Variants in NRP2 observed in about 807,000 individuals in gnomAD.
The protein encoded by NRP2 is neuropilin-2.
Under a neutral mutation model 110.4 loss-of-function variants are expected in NRP2, and 52 were observed. The ratio of observed to expected loss-of-function variants is 0.47; its 90% CI spans 0.38 to 0.59. The LOEUF is 0.59. Ranked by LOEUF, NRP2 falls within the 20% of genes least tolerant of loss-of-function variation. NRP2 has a pLI of 0.00. For synonymous variants in NRP2, 508 were observed against 468.9 expected, an observed-to-expected ratio of 1.08 and a Z score of -1.08; for missense variants, 1,049 against 1,203.0, an observed-to-expected ratio of 0.87 and a Z score of 1.89.
intron 2 of NRP2, among the ~76,000 whole-genome samples, chr2:205,713,712 A>G (rs1470953181): frequency 6.6e-6 from 1 of 152,236 alleles, no homozygotes; most frequent in Non-Finnish European, 1.5e-5. Context: ...GCAGGAGAGT[A>G]TTCCATTTTA....
intron 12 of NRP2, among the ~76,000 whole-genome samples, chr2:205,754,780 A>C (rs967557624): frequency 1.4e-5 from 2 of 146,094 alleles, no homozygotes; most frequent in African/African-American, 5.1e-5. Context: ...TGTGTGCATG[A>C]GTGTGTTTGT....
At chr2:205,714,909 C>G (rs976819454) in intron 2 of NRP2, among the ~76,000 whole-genome samples, 1 of 152,202 alleles carries the variant, frequency 6.6e-6, no homozygotes, top group Admixed American at 6.5e-5. Flanking sequence ...TTCCGGCAGC[C>G]GGCAACCCCA....
intron 1 of NRP2, among the ~76,000 whole-genome samples, 192 bp downstream of exon 1, chr2:205,683,555 AGTGTGTGTGT>A (rs60199072): frequency 4.4e-4 from 66 of 149,918 alleles, no homozygotes; most frequent in African/African-American, 9.3e-4. Flanking sequence ...TCCTGCTAGG[AGTGTGTGTGT>A]GTGTGTGTGT....
intron 3 of NRP2, among the ~76,000 whole-genome samples, chr2:205,716,920 T>C (rs911396215): frequency 6.6e-6 from 1 of 152,156 alleles, no homozygotes; most frequent in African/African-American, 2.4e-5. Context: ...ATTGAACCCC[T>C]ACTCTCTAAA....
At chr2:205,697,311 T>C (rs997264698) in intron 1 of NRP2, among the ~76,000 whole-genome samples, 1 of 57,084 alleles carries the variant, frequency 1.8e-5, no homozygotes, top group Admixed American at 2.2e-4. Context: ...AATACTTTCA[T>C]CTGTGTGTGT....
intron 15 of NRP2, chr2:205,768,370 ATGT>A (rs2057962500): frequency 6.6e-6 from 1 of 152,182 alleles, no homozygotes; most frequent in Non-Finnish European, 1.5e-5. Context: ...AAAGCTGTGG[ATGT>A]TGTTTCGCCT....
chr2:205,725,194 A>C lies in NRP2; in HGVS notation c.821-719A>C, dbSNP rs1442732887. On this transcript the variant is annotated intron_variant, in intron 5 of 16. Transcript: ENST00000357785. This position sits in a 1 kb window ranked among gnomAD's most constrained non-coding sequence, Gnocchi z 4.1. ...ACCAGGTCCCGTGAATGGTCAGTGC[A>C]GTCACAGAGTAAAGAATAGGTTGAT... Among the ~76,000 whole-genome samples the C allele has an allele frequency of 1.3e-5, 2 of 152,240 alleles. No homozygotes were observed. Among genetic ancestry groups the C allele is most frequent in the East Asian group, 3.8e-4 (2 of 5,202 alleles).
chr2:205,726,819 A>C (rs1209505879), intron 6 of NRP2, among the ~76,000 whole-genome samples: 2 of 152,160 alleles, frequency 1.3e-5, no homozygotes, highest in Non-Finnish European at 2.9e-5. Context: ...CCTAGCTCTG[A>C]GGCGACACAG....
At chr2:205,700,010 G>A (rs2056518750) in intron 2 of NRP2, among the ~76,000 whole-genome samples, 1 of 139,820 alleles carries the variant, frequency 7.2e-6, no homozygotes. Flanking sequence ...TTTGTATTTA[G>A]AAAGACTCAT....
intron 1 of NRP2, among the ~76,000 whole-genome samples, chr2:205,694,513 A>T (rs915790410): frequency 1.3e-5 from 2 of 152,200 alleles, no homozygotes; most frequent in Admixed American, 1.3e-4. Context: ...TTGCAGAATG[A>T]AGTCTTTTGT....
chr2:205,780,524 T>A (rs2058162182), intron 15 of NRP2, among the ~76,000 whole-genome samples: 1 of 152,136 alleles, frequency 6.6e-6, no homozygotes, highest in African/African-American at 2.4e-5. Context: ...CTCCCAGCAG[T>A]TCATGGTTTC....
chr2:205,688,302 G>C (rs2056222871), intron 1 of NRP2, among the ~76,000 whole-genome samples: 2 of 152,214 alleles, frequency 1.3e-5, no homozygotes, highest in African/African-American at 4.8e-5. Flanking sequence ...TTGAGTGGCA[G>C]ATAAGTATAT....
At chr2:205,705,182 A>AG (rs1453596588) in intron 2 of NRP2, among the ~76,000 whole-genome samples, 743 of 33,246 alleles carry the variant, frequency 0.022, 2 homozygotes, top group South Asian at 0.07. Flanking sequence ...AAATAATTCC[A>AG]GAAAAAAAAA....
At chr2:205,728,850 G>A (rs926341949) in intron 7 of NRP2, among the ~76,000 whole-genome samples, 2 of 152,362 alleles carry the variant, frequency 1.3e-5, no homozygotes. Context: ...CACAGGGCAC[G>A]ATGCCCCCTG....
At chr2:205,776,594 C>CT in intron 15 of NRP2, 1 of 1,599,070 alleles carries the variant, frequency 6.3e-7, no homozygotes, top group Non-Finnish European at 8.5e-7. Flanking sequence ...CGATTTTGCA[C>CT]TTTTTTCTCC....
intron 12 of NRP2, among the ~76,000 whole-genome samples, chr2:205,760,145 G>A (rs2057797602): frequency 1.3e-5 from 2 of 152,292 alleles, no homozygotes; most frequent in South Asian, 4.1e-4. Context: ...ATCAGGGGAG[G>A]CAGGTAAAGC....
chr2:205,723,484 A>G (rs2057062114), intron 4 of NRP2, among the ~76,000 whole-genome samples: 1 of 152,226 alleles, frequency 6.6e-6, no homozygotes, highest in African/African-American at 2.4e-5. Context: ...TCCAAACTTC[A>G]GTTTCTTCCT....
intron 11 of NRP2, among the ~76,000 whole-genome samples, chr2:205,751,481 A>C (rs1001285033): frequency 6.6e-6 from 1 of 151,664 alleles, no homozygotes; most frequent in Non-Finnish European, 1.5e-5. Context: ...GGGGTGGTAA[A>C]GGCTAAGGGC....
intron 2 of NRP2, among the ~76,000 whole-genome samples, chr2:205,708,540 G>A (rs1044338174): frequency 6.6e-6 from 1 of 152,198 alleles, no homozygotes; most frequent in African/African-American, 2.4e-5. Context: ...CCTTCCTCAC[G>A]TCAGGAGGCA....
Sources: gnomAD v4.1 joint callset for allele counts (sites outside exome capture counted in the v4.1 genomes callset) on GRCh38, gnomAD v4.1.1 for gene constraint, Gnocchi (gnomAD v3.1) non-coding constraint, MANE v1.5 for transcripts, NCBI Gene and HGNC (gene_info 2026-07-23, HGNC 2026-07-21) for gene names.